TMBIM6: variants seen among roughly 807,000 people sequenced by gnomAD.
TMBIM6 encodes the protein bax inhibitor 1.
In TMBIM6, 13 loss-of-function variants were observed where a neutral mutation model predicts 31.4. The ratio of observed to expected loss-of-function variants is 0.41; its 90% CI spans 0.27 to 0.66. The LOEUF is 0.66. Ranked by LOEUF, TMBIM6 falls within the 30% of genes least tolerant of loss-of-function variation. TMBIM6 has a pLI of 0.28. For missense variants in TMBIM6, 275 were observed against 289.5 expected (o/e 0.95, Z 0.36); for synonymous variants, 85 against 101.7 (o/e 0.84, Z 0.99).
At chr12:49,758,176 C>G in intron 4 of TMBIM6, 51 bp from the exon 5 acceptor site, 6 of 1,606,014 alleles carry the variant, frequency 3.7e-6, no homozygotes, top group Non-Finnish European at 5.1e-6. Context: ...GGATGAGGAT[C>G]CTATTCAAGA....
At chr12:49,742,000 C>G in intron 1 of TMBIM6, 1 of 1,289,438 alleles carries the variant, frequency 7.8e-7, no homozygotes, top group Non-Finnish European at 1.1e-6. Flanking sequence ...GAATTCAGAG[C>G]ACGTCCTTCC....
chr12:49,748,539 TC>T (rs1346933160), intron 1 of TMBIM6, among the ~76,000 whole-genome samples: 14 of 152,226 alleles, frequency 9.2e-5, no homozygotes, highest in Non-Finnish European at 1.6e-4. Context: ...TGATGACACT[TC>T]AGCAAAACTT....
chr12:49,755,578 C>G (rs1565921163), intron 3 of TMBIM6, 57 bp from the exon 4 acceptor site: 9 of 1,598,590 alleles, frequency 5.6e-6, no homozygotes, highest in South Asian at 1.1e-5. Flanking sequence ...AGGTCTCTTG[C>G]AAAATAAATT....
intron 1 of TMBIM6, among the ~76,000 whole-genome samples, chr12:49,752,211 A>C (rs563840179): frequency 6.6e-6 from 1 of 152,362 alleles, no homozygotes; most frequent in South Asian, 2.1e-4. Flanking sequence ...GAAAGAATAG[A>C]AATCAGATGA....
In TMBIM6 at chr12:49,758,240, C is replaced by G. The variant is rs1212193476; in HGVS notation, c.300C>G (p.Gly100=). 1 of 1,614,226 alleles carries G rather than the reference C, an allele frequency of 6.2e-7. No individual in the cohort carries two copies. Among genetic ancestry groups the G allele is most frequent in the Non-Finnish European group, 8.5e-7 (1 of 1,180,048 alleles). ...TCTGTTTTCTAGGAGTTGGCCTGGG[C>G]CCTGCCCTGGAGTTTTGTATTGCTG... ...GFAFLTGVGL[G]PALEFCIAVN... Residue 100 remains glycine (G), a synonymous_variant, in exon 5 of 10, where the codon GGC becomes GGG. Transcript: ENST00000267115.
At chr12:49,756,671 C>T (rs1427599867) in intron 4 of TMBIM6, among the ~76,000 whole-genome samples, 2 of 150,946 alleles carry the variant, frequency 1.3e-5, no homozygotes, top group East Asian at 3.9e-4. Context: ...GTGATCTGCT[C>T]GCCTCAGCCT....
chr12:49,749,456 G>T (rs1224178704), intron 1 of TMBIM6, among the ~76,000 whole-genome samples: 1 of 97,266 alleles, frequency 1.0e-5, no homozygotes, highest in African/African-American at 9.7e-5. Context: ...TTTTTGAAAC[G>T]GAGTCTCGCT....
rs138441043 is a variant in TMBIM6, at chr12:49,755,342, A to G, written c.166-293A>G. Among the ~76,000 whole-genome samples, 50 of 151,882 alleles carry G rather than the reference A, an allele frequency of 3.3e-4. No homozygotes were observed. In the East Asian group the frequency reaches 8.7e-3, roughly 27 times the overall value. On this transcript the variant is annotated intron_variant, in intron 3 of 9. Transcript: ENST00000267115. Reference sequence around the variant, plus strand: ...TTGTCACGTTTCATTCATCCTTTCTATTTTTTGGGCAAGACTCACTCATAG... The same window carrying G: ...TTGTCACGTTTCATTCATCCTTTCTGTTTTTTGGGCAAGACTCACTCATAG...
rs181640433 is a variant in TMBIM6 at position 49,756,238 on chromosome 12, C to T, written c.286+483C>T. On this transcript the variant is annotated intron_variant, in intron 4 of 9. Transcript: ENST00000267115. ...GCAAACTCTGCCTTCCGGGTTCAAG[C>T]GATTCTCCTGCCTCAGCCTCCCAAA... Among the ~76,000 whole-genome samples, 758 of 152,008 alleles carry T rather than the reference C, an allele frequency of 5.0e-3. 7 individuals carry two copies. Among genetic ancestry groups the T allele is most frequent in the Middle Eastern group, 0.02 (6 of 294 alleles).
intron 1 of TMBIM6, chr12:49,750,728 G>C (rs1945479391): frequency 1.3e-5 from 2 of 152,256 alleles, no homozygotes; most frequent in Admixed American, 1.3e-4. Flanking sequence ...GTTAATGAGA[G>C]AAGGAAAGAA....
chr12:49,754,344 G>T lies in TMBIM6; in HGVS notation c.165+1263G>T, dbSNP rs1232731770. ...TGCTGAAGTGCTGTCTAGTATTCCT[G>T]AGTGCAGAAAGACCGTAATGTGCCT... is the stretch of plus-strand genomic sequence containing the variant. On this transcript the variant is annotated intron_variant, in intron 3 of 9. Transcript: ENST00000267115. Among the ~76,000 whole-genome samples the T allele has an allele frequency of 2.0e-5, 3 of 152,188 alleles. No homozygotes were observed. In the East Asian group the frequency reaches 5.8e-4, roughly 29 times the overall value.
chr12:49,741,759 G>A (rs138788136), intron 1 of TMBIM6, 148 bp downstream of exon 1: 3,529 of 237,066 alleles, frequency 0.015, 51 homozygotes, highest in Non-Finnish European at 0.021. Flanking sequence ...ACCAGACTCG[G>A]GAAAACAGGG....
intron 3 of TMBIM6, among the ~76,000 whole-genome samples, chr12:49,754,729 G>GC (rs1336712206): frequency 6.6e-6 from 1 of 152,068 alleles, no homozygotes; most frequent in Non-Finnish European, 1.5e-5. Flanking sequence ...AATGCCTATA[G>GC]TTTTTCCCAC....
At chr12:49,754,507 G>A (rs2136947701) in intron 3 of TMBIM6, among the ~76,000 whole-genome samples, 1 of 152,238 alleles carries the variant, frequency 6.6e-6, no homozygotes, top group East Asian at 1.9e-4. Flanking sequence ...ATAAAAGCAA[G>A]GTATCTATTG....
intron 1 of TMBIM6, chr12:49,741,907 C>A (rs1427401028): frequency 1.5e-6 from 1 of 654,182 alleles, no homozygotes; most frequent in Non-Finnish European, 2.5e-6. Context: ...AAGGCCCCTT[C>A]TCAGCCCGCC....
At position 49,752,530 on chromosome 12, in the gene TMBIM6, CT is replaced by C; in HGVS notation, c.41del (p.Leu14Ter). ...TGATCGAAAGATCAACTTTGATGCG[CT>C]TTTAAAATTTTCTCATATGTAAGTG... ...IFDRKINFDA[L>X]LKFSHITPST... On this transcript the variant is annotated frameshift_variant, in exon 2 of 10. Transcript: ENST00000267115. LOFTEE classifies it high-confidence loss of function. 1 of 1,613,596 alleles carries C rather than the reference CT, an allele frequency of 6.2e-7. No individual in the cohort carries two copies. Among genetic ancestry groups the C allele is most frequent in the Non-Finnish European group, 8.5e-7 (1 of 1,179,894 alleles).
chr12:49,762,602 G>C (rs1280732539), intron 9 of TMBIM6, among the ~76,000 whole-genome samples: 2 of 152,158 alleles, frequency 1.3e-5, no homozygotes, highest in African/African-American at 4.8e-5. Context: ...GCTGTGAATA[G>C]CCTAGAGTGG....
At chr12:49,758,661 A>G in intron 6 of TMBIM6, 22 bp from the exon 7 acceptor site, 1 of 1,613,240 alleles carries the variant, frequency 6.2e-7, no homozygotes. Context: ...CTCTCAAGAC[A>G]GCTTTTTGCT....
At chr12:49,760,451 G>C (rs956709175) in intron 8 of TMBIM6, among the ~76,000 whole-genome samples, 1 of 151,080 alleles carries the variant, frequency 6.6e-6, no homozygotes, top group Non-Finnish European at 1.5e-5. Context: ...CTTACCATAT[G>C]CCCAGATTGG....
Sources: allele counts gnomAD v4.1 joint callset (sites outside exome capture counted in the v4.1 genomes callset), GRCh38; gene constraint gnomAD v4.1.1; transcripts MANE v1.5; gene names NCBI Gene and HGNC (gene_info 2026-07-23, HGNC 2026-07-21).